TACR3: variants seen among roughly 807,000 people sequenced by gnomAD.
The protein encoded by TACR3 is neuromedin-K receptor.
TACR3 carries 34 observed loss-of-function variants against 35.0 expected under a neutral mutation model. That is an observed-to-expected ratio of 0.97 (90% CI 0.74 to 1.30). TACR3 has a LOEUF of 1.30. Among genes scored for constraint, TACR3 ranks in the 50% most tolerant of loss-of-function variants. The pLI is 0.00. For missense variants in TACR3, 558 were observed against 591.7 expected, an observed-to-expected ratio of 0.94 and a Z score of 0.59; for synonymous variants, 233 against 221.1, an observed-to-expected ratio of 1.05 and a Z score of -0.48.
At chr4:103,704,077 C>A (rs1578265078) in intron 1 of TACR3, among the ~76,000 whole-genome samples, 1 of 118,958 alleles carries the variant, frequency 8.4e-6, no homozygotes, top group Admixed American at 1.2e-4. Context: ...GCATTCCAGT[C>A]TGGGCAACAG....
chr4:103,591,606 A>G lies in TACR3; in HGVS notation c.966T>C (p.Thr322=), dbSNP rs1723898540. ...ATCTATTTAGTTGTTGATAGATTGC[A>G]GTGAGAATGAAGTAAATATGATAGG... ...WLPYHIYFIL[T]AIYQQLNRWK... is the part of the protein sequence containing the mutation. Residue 322 remains threonine, a synonymous_variant, in exon 4 of 5, where the codon ACT becomes ACC. Coordinates refer to ENST00000304883, the MANE Select transcript of TACR3 (RefSeq NM_001059.3). The G allele has an allele frequency of 6.2e-7, 1 of 1,613,748 alleles. No individual in the cohort carries two copies. The highest frequency in any genetic ancestry group is 1.3e-5 in the African/African-American group (1 of 74,924).
intron 3 of TACR3, among the ~76,000 whole-genome samples, chr4:103,631,382 G>T (rs1343063592): frequency 6.6e-6 from 1 of 151,616 alleles, no homozygotes; most frequent in Admixed American, 6.6e-5. Context: ...TAGAATTTTT[G>T]GTTTACTGCA....
At chr4:103,673,878 T>C (rs976570303) in intron 1 of TACR3, among the ~76,000 whole-genome samples, 1 of 152,220 alleles carries the variant, frequency 6.6e-6, no homozygotes, top group South Asian at 2.1e-4. Flanking sequence ...TATACATAAT[T>C]AGCTATACAT....
At chr4:103,625,653 G>C (rs1048124252) in intron 3 of TACR3, among the ~76,000 whole-genome samples, 1 of 152,068 alleles carries the variant, frequency 6.6e-6, no homozygotes, top group South Asian at 2.1e-4. Context: ...CTTCATATTA[G>C]AGCAGAATTC....
intron 3 of TACR3, among the ~76,000 whole-genome samples, chr4:103,634,942 T>C (rs1725147948): frequency 1.3e-5 from 2 of 151,874 alleles, no homozygotes; most frequent in African/African-American, 2.4e-5. Context: ...TTGTTGGGAG[T>C]GTAAAATAAA....
Position 103,700,747 on chromosome 4 carries a change from T to C in TACR3, c.548+18381A>G, listed in dbSNP as rs149397346. Among the ~76,000 whole-genome samples the C allele has an allele frequency of 8.1e-3, 1,234 of 152,224 alleles. 20 individuals are homozygous for C. The highest frequency in any genetic ancestry group is 0.028 in the African/African-American group (1,181 of 41,542). ...CCTGGGATGCAAGGCTGGTTCAACA[T>C]ACACAAATCAATAAACATAATCCAG... On this transcript the variant is annotated intron_variant, in intron 1 of 4. Coordinates refer to ENST00000304883, the MANE Select transcript of TACR3 (RefSeq NM_001059.3).
At chr4:103,639,379 G>A (rs1280857932) in intron 3 of TACR3, among the ~76,000 whole-genome samples, 1 of 152,032 alleles carries the variant, frequency 6.6e-6, no homozygotes, top group Non-Finnish European at 1.5e-5. Flanking sequence ...CTCATAGGTG[G>A]GAGTTGAACA....
chr4:103,618,932 A>G (rs1724718564), intron 3 of TACR3, among the ~76,000 whole-genome samples: 1 of 152,062 alleles, frequency 6.6e-6, no homozygotes, highest in Admixed American at 6.6e-5. Context: ...TGATTTTTGT[A>G]CGTTGATTTT....
At chr4:103,643,629 T>C (rs560198361) in intron 3 of TACR3, among the ~76,000 whole-genome samples, 5 of 151,816 alleles carry the variant, frequency 3.3e-5, no homozygotes, top group Non-Finnish European at 7.4e-5. Context: ...TAACAATTTC[T>C]ACCAGGCCTC....
intron 3 of TACR3, among the ~76,000 whole-genome samples, chr4:103,651,778 C>T (rs894683333): frequency 1.3e-5 from 2 of 151,928 alleles, no homozygotes; most frequent in Admixed American, 1.3e-4. Flanking sequence ...GTTATTCAGG[C>T]TCTCAAAGGC....
intron 3 of TACR3, among the ~76,000 whole-genome samples, chr4:103,616,443 T>A (rs901549266): frequency 2.0e-5 from 3 of 152,184 alleles, no homozygotes; most frequent in African/African-American, 7.2e-5. Context: ...CACATATACA[T>A]TATACTTGTG....
rs1025240162 is a variant in TACR3, at chr4:103,663,941, A to G, written c.549-5538T>C. Reference sequence around the variant, plus strand: ...TTTAAAAAATATTTTATGTGATTACATCAGCTTTTCCAAGGATTTTTGCTG... The same window carrying G: ...TTTAAAAAATATTTTATGTGATTACGTCAGCTTTTCCAAGGATTTTTGCTG... On this transcript the variant is annotated intron_variant, in intron 1 of 4. Coordinates refer to ENST00000304883, the MANE Select transcript of TACR3 (RefSeq NM_001059.3). Among the ~76,000 whole-genome samples, 16 of 152,294 alleles carry G rather than the reference A, an allele frequency of 1.1e-4. No homozygotes were observed. In the East Asian group the frequency reaches 3.1e-3, roughly 29 times the overall value.
At chr4:103,630,139 A>G (rs534309932) in intron 3 of TACR3, among the ~76,000 whole-genome samples, 4 of 152,192 alleles carry the variant, frequency 2.6e-5, no homozygotes, top group Admixed American at 2.0e-4. Context: ...CTGCCCTATG[A>G]AGAAAACTGA....
rs1164167620 is a variant in TACR3 at position 103,589,875 on chromosome 4, G to A, written c.1205C>T (p.Thr402Ile). ...TGTCATGGACTCCATTCTGGTCACGGTGTACATACTGCTTTGCCGGTTTGG... is the reference window on the plus strand; with the variant it reads ...TGTCATGGACTCCATTCTGGTCACGATGTACATACTGCTTTGCCGGTTTGG... ...FHPNRQSSMYTVTRMESMTVV... is the reference protein window; with the variant it reads ...FHPNRQSSMYIVTRMESMTVV... Residue 402 changes from threonine to isoleucine, a missense_variant, in exon 5 of 5, where the codon ACC (threonine) becomes ATC (isoleucine). Coordinates refer to ENST00000304883, the MANE Select transcript of TACR3 (RefSeq NM_001059.3). 1.2e-6 allele frequency: 2 copies of A among 1,613,992 alleles called. No individual in the cohort carries two copies. Among genetic ancestry groups the A allele is most frequent in the Non-Finnish European group, 1.7e-6 (2 of 1,179,892 alleles).
At chr4:103,626,761 TA>T (rs1210021651) in intron 3 of TACR3, among the ~76,000 whole-genome samples, 1 of 152,220 alleles carries the variant, frequency 6.6e-6, no homozygotes, top group African/African-American at 2.4e-5. Flanking sequence ...TTTGTAACTT[TA>T]TAATGAGTAA....
intron 1 of TACR3, among the ~76,000 whole-genome samples, chr4:103,701,078 G>C (rs1722638918): frequency 6.6e-6 from 1 of 151,976 alleles, no homozygotes. Context: ...GAAATAAAGG[G>C]TATTCAATTA....
chr4:103,657,367 A>G (rs1355618810), intron 2 of TACR3, among the ~76,000 whole-genome samples: 1 of 152,082 alleles, frequency 6.6e-6, no homozygotes, highest in Non-Finnish European at 1.5e-5. Context: ...TTATCATACA[A>G]TTAAGATGTA....
At chr4:103,698,344 C>T (rs1189479863) in intron 1 of TACR3, among the ~76,000 whole-genome samples, 1 of 152,192 alleles carries the variant, frequency 6.6e-6, no homozygotes, top group South Asian at 2.1e-4. Flanking sequence ...TACTCAATTT[C>T]ATAAGTGCCT....
intron 1 of TACR3, among the ~76,000 whole-genome samples, chr4:103,702,801 A>G (rs1722687863): frequency 1.3e-5 from 2 of 150,972 alleles, no homozygotes; most frequent in Admixed American, 6.6e-5. Context: ...TATCACAAGG[A>G]CAAAAAACCA....
Sources: allele counts gnomAD v4.1 joint callset (sites outside exome capture counted in the v4.1 genomes callset), GRCh38; gene constraint gnomAD v4.1.1; transcripts MANE v1.5; gene names NCBI Gene and HGNC (gene_info 2026-07-23, HGNC 2026-07-21).